ZNF500: variants seen among roughly 807,000 people sequenced by gnomAD.
ZNF500 encodes zinc finger protein 500.
ZNF500 carries 31 observed loss-of-function variants against 30.1 expected under a neutral mutation model. That is an observed-to-expected ratio of 1.03 (90% CI 0.77 to 1.39). ZNF500 has a LOEUF of 1.39. Ranked by LOEUF, ZNF500 falls within the 40% of genes most tolerant of loss-of-function variation. The pLI is 0.00. For missense variants in ZNF500, 817 were observed against 657.8 expected, an observed-to-expected ratio of 1.24 and a Z score of -2.65; for synonymous variants, 392 against 282.0, an observed-to-expected ratio of 1.39 and a Z score of -3.91.
At chr16:4,746,239 T>G, downstream of ZNF500, 1 of 934,772 alleles carries the variant, frequency 1.1e-6, no homozygotes, top group Non-Finnish European at 1.6e-6. Flanking sequence ...AGAGCAAATG[T>G]GTTTAATGTG....
At chr16:4,765,497 T>C (rs940339199) in intron 2 of ZNF500, 68 bp downstream of exon 2, 3 of 1,517,986 alleles carry the variant, frequency 2.0e-6, no homozygotes, top group African/African-American at 1.4e-5. Flanking sequence ...GACCAAGGAA[T>C]CTGCAGCTGC....
chr16:4,756,959 G>A (rs1250230904), intron 5 of ZNF500, among the ~76,000 whole-genome samples: 10 of 151,878 alleles, frequency 6.6e-5, no homozygotes, highest in Non-Finnish European at 1.3e-4. Context: ...CTCCAACCTG[G>A]GTGACAGAGT....
chr16:4,746,413 G>A (rs768616275), downstream of ZNF500: 112 of 1,612,958 alleles, frequency 6.9e-5, no homozygotes, highest in Non-Finnish European at 9.4e-5. Flanking sequence ...GCTGGGCCAG[G>A]CCCGCAGCTG....
In ZNF500 at chr16:4,752,497, G is replaced by T; in HGVS notation, c.1322C>A (p.Ala441Asp). The T allele has an allele frequency of 1.3e-6, 2 of 1,551,884 alleles. No homozygotes were observed. The highest frequency in any genetic ancestry group is 1.7e-6 in the Non-Finnish European group (2 of 1,153,560). Residue 441 changes from alanine (A) to aspartate (D), a missense_variant, in exon 6 of 6, where the codon GCC (alanine) becomes GAC (aspartate). Ala to Asp is a moderately radical substitution (Grantham distance 126). Coordinates refer to ENST00000219478, the MANE Select transcript of ZNF500 (RefSeq NM_021646.4). ...HTGEKPYTCP[A>D]CGRGFRRGTD... ...GCCCCGGCGGAAGCCCCGGCCACAGGCCGGGCAGGTGTAGGGCTTCTCACC... is the reference window on the plus strand; with the variant it reads ...GCCCCGGCGGAAGCCCCGGCCACAGTCCGGGCAGGTGTAGGGCTTCTCACC...
Position 4,752,561 on chromosome 16 carries a change from T to G in ZNF500, c.1258A>C (p.Asn420His). 6.3e-7 allele frequency: 1 copy of G among 1,575,204 alleles called. No individual in the cohort carries two copies. The highest frequency in any genetic ancestry group is 8.6e-7 in the Non-Finnish European group (1 of 1,163,268). The change falls in exon 6 of 6, where the codon AAC becomes CAC. Residue 420 changes from asparagine to histidine, a missense_variant. Asn to His is a moderately conservative substitution (Grantham distance 68). Transcript: ENST00000219478. ...ACTQCGKRFN[N>H]SSHFSAHRRT... Reference sequence around the variant, plus strand: ...CGGTGGGCGCTGAAGTGCGAGCTGTTGTTGAAGCGCTTCCCGCACTGGGTG... The same window carrying G: ...CGGTGGGCGCTGAAGTGCGAGCTGTGGTTGAAGCGCTTCCCGCACTGGGTG...
In ZNF500 at chr16:4,751,715, A is replaced by G. The variant is rs772108320; in HGVS notation, c.*661T>C. The G allele has an allele frequency of 2.5e-4, 360 of 1,430,314 alleles. 1 individual carries two copies. The highest frequency in any genetic ancestry group is 3.2e-4 in the Non-Finnish European group (332 of 1,051,908). 88.6% of individuals were successfully genotyped at this position (1,430,314 alleles called of 1,614,324 possible). ...ATTAGTTAAGATGAGGTCACAGTGTATTGGGGGACCCTAAACCCAGTGAGT... is the reference window on the plus strand; with the variant it reads ...ATTAGTTAAGATGAGGTCACAGTGTGTTGGGGGACCCTAAACCCAGTGAGT... On this transcript the variant is annotated 3_prime_UTR_variant, in exon 6 of 6. Transcript: ENST00000219478.
At position 4,749,409 on chromosome 16, in the gene ZNF500, G is replaced by A. The variant is rs944481109; in HGVS notation, c.*2967C>T. 1 of 154,432 alleles carries A rather than the reference G, an allele frequency of 6.5e-6. No individual in the cohort carries two copies. Among genetic ancestry groups the A allele is most frequent in the African/African-American group, 2.4e-5 (1 of 41,522 alleles). 9.6% of individuals were successfully genotyped at this position (154,432 alleles called of 1,614,324 possible). A position where few individuals can be genotyped will look rare whatever the true frequency, so the allele number is the denominator to read the frequency against. Reference sequence around the variant, plus strand: ...GTTCCAAGTTCAACTCTGAATTACTGTGTCTGTCAAGGCAAGGGGAGTGAG... The same window carrying A: ...GTTCCAAGTTCAACTCTGAATTACTATGTCTGTCAAGGCAAGGGGAGTGAG... On this transcript the variant is annotated 3_prime_UTR_variant, in exon 6 of 6. Transcript: ENST00000219478.
At chr16:4,764,730 C>T (rs1242700231) in intron 2 of ZNF500, among the ~76,000 whole-genome samples, 11 of 147,096 alleles carry the variant, frequency 7.5e-5, no homozygotes, top group Non-Finnish European at 1.3e-4. Flanking sequence ...TGCAGTGAGC[C>T]GAGATTGCGC....
At chr16:4,746,688 G>C, downstream of ZNF500, 1 of 923,522 alleles carries the variant, frequency 1.1e-6, no homozygotes, top group Non-Finnish European at 1.6e-6. Flanking sequence ...AGGGAGGGAA[G>C]AGGGGCATGA....
Position 4,765,638 on chromosome 16 carries a change from T to C in ZNF500, c.341A>G (p.Gln114Arg), listed in dbSNP as rs752914679. 3 of 1,613,512 alleles carry C rather than the reference T, an allele frequency of 1.9e-6. No homozygotes were observed. The highest frequency in any genetic ancestry group is 2.5e-6 in the Non-Finnish European group (3 of 1,179,950). The change falls in exon 2 of 6, where the codon CAG becomes CGG. Residue 114 changes from glutamine (Q) to arginine (R), a missense_variant. Transcript: ENST00000219478. Reference protein sequence around the residue: ...GEIQARVREQQPESGEEAVVL... With the variant: ...GEIQARVREQRPESGEEAVVL... ...CACGGCCTCCTCACCGCTCTCCGGC[T>C]GCTGCTCGCGTACCCGAGCCTGGAT...
At chr16:4,762,795 G>A (rs201888102) in intron 2 of ZNF500, 39 bp from the exon 3 acceptor site, 6 of 1,540,702 alleles carry the variant, frequency 3.9e-6, no homozygotes, top group Admixed American at 1.9e-5. Context: ...GCTCCCAGAA[G>A]GCCAGAAGGA....
Position 4,752,613 on chromosome 16 carries a change from T to C in ZNF500, c.1206A>G (p.Thr402=). 7.5e-6 allele frequency: 12 copies of C among 1,605,674 alleles called. No individual in the cohort carries two copies. The highest frequency in any genetic ancestry group is 1.0e-5 in the Non-Finnish European group (12 of 1,176,232). The change falls in exon 6 of 6, where the codon ACA becomes ACG. Residue 402 remains threonine (T), a synonymous_variant. Transcript: ENST00000219478. ...AGGCATAGGGCCGCTCCCCGCTGTG[T>C]GTCCTGCGGTGGATGACCAGGCTGG... is the stretch of plus-strand genomic sequence containing the variant. ...QSSSLVIHRR[T]HSGERPYACT... is the part of the protein sequence containing the mutation.
At chr16:4,755,205 G>A (rs1002852305) in intron 5 of ZNF500, among the ~76,000 whole-genome samples, 2 of 152,200 alleles carry the variant, frequency 1.3e-5, no homozygotes, top group Non-Finnish European at 2.9e-5. Flanking sequence ...ATATTGCCCA[G>A]GCTGGCCTCA....
chr16:4,762,852 G>A (rs1027888088), intron 2 of ZNF500, 96 bp from the exon 3 acceptor site: 74 of 1,468,556 alleles, frequency 5.0e-5, no homozygotes, highest in Non-Finnish European at 5.9e-5. Context: ...CACCCCAGCC[G>A]GCTGCCCACC....
At chr16:4,747,182 T>A, downstream of ZNF500, 1 of 1,205,630 alleles carries the variant, frequency 8.3e-7, no homozygotes, top group Admixed American at 2.4e-5. Flanking sequence ...CCTGCCCACG[T>A]CCACTGGGTC....
Position 4,765,796 on chromosome 16 carries a change from C to T in ZNF500, c.183G>A (p.Val61=). ...GGCTCAGGGCCTCCCGGGGCCCAGC[C>T]ACCTCCTGGTAGCAGAAGAGCCGGA... The part of the protein sequence containing the change: ...QLFRLFCYQE[V]AGPREALSRL... The change falls in exon 2 of 6, where the codon GTG becomes GTA. Residue 61 remains valine, a synonymous_variant. Transcript: ENST00000219478. The T allele has an allele frequency of 1.9e-6, 3 of 1,613,256 alleles. No homozygotes were observed. The highest frequency in any genetic ancestry group is 1.7e-5 in the Admixed American group (1 of 60,016).
At chr16:4,755,359 C>T (rs2082125431) in intron 5 of ZNF500, among the ~76,000 whole-genome samples, 1 of 152,086 alleles carries the variant, frequency 6.6e-6, no homozygotes, top group South Asian at 2.1e-4. Flanking sequence ...CTCTGTCTTC[C>T]AGGCTGGAGT....
At position 4,751,993 on chromosome 16, in the gene ZNF500, G is replaced by A. The variant is rs943184339; in HGVS notation, c.*383C>T. On this transcript the variant is annotated 3_prime_UTR_variant, in exon 6 of 6. Coordinates refer to ENST00000219478, the MANE Select transcript of ZNF500 (RefSeq NM_021646.4). ...AGACACACAGGAGAGGGGTTGGGACGTGGGGATGAGGCTGTATGCCAGCAG... is the reference window on the plus strand; with the variant it reads ...AGACACACAGGAGAGGGGTTGGGACATGGGGATGAGGCTGTATGCCAGCAG... 3.0e-6 allele frequency: 3 copies of A among 1,011,350 alleles called. No homozygotes were observed. Among genetic ancestry groups the A allele is most frequent in the South Asian group, 4.8e-5 (2 of 41,552 alleles). The allele number at this position is 1,011,350 out of a possible 1,614,324, so 62.6% of individuals were successfully genotyped here.
At chr16:4,760,195 G>A (rs531494194) in intron 5 of ZNF500, among the ~76,000 whole-genome samples, 21 of 152,212 alleles carry the variant, frequency 1.4e-4, no homozygotes, top group African/African-American at 4.8e-4. Context: ...ACCAGGTCCT[G>A]TGGGAGCAGC....
Sources: gnomAD v4.1 joint callset for allele counts (sites outside exome capture counted in the v4.1 genomes callset) on GRCh38, gnomAD v4.1.1 for gene constraint, MANE v1.5 for transcripts, NCBI Gene and HGNC (gene_info 2026-07-23, HGNC 2026-07-21) for gene names.